Variants in SPIDR observed in about 807,000 individuals in gnomAD.
SPIDR encodes scaffold protein involved in DNA repair.
A neutral mutation model predicts 104.6 loss-of-function variants in SPIDR; 93 were observed. The observed-to-expected ratio is 0.89, with a 90% CI of 0.75 to 1.06. The LOEUF is 1.06. Among genes scored for constraint, SPIDR ranks in the 50% least tolerant of loss-of-function variants. The probability of loss-of-function intolerance (pLI) is 0.00; values close to 1 mark genes in which losing one functional copy is unlikely to be tolerated. For missense variants in SPIDR, 1,154 were observed against 1,111.2 expected (o/e 1.04, Z -0.55); for synonymous variants, 431 against 416.9 (o/e 1.03, Z -0.41).
intron 8 of SPIDR, among the ~76,000 whole-genome samples, chr8:47,516,371 CT>C (rs142835141): frequency 3.0e-4 from 45 of 152,278 alleles, no homozygotes; most frequent in African/African-American, 1.1e-3. Flanking sequence ...CAACACCGCT[CT>C]TCATTTCCAG....
intron 5 of SPIDR, among the ~76,000 whole-genome samples, chr8:47,339,714 C>G (rs2050380107): frequency 6.8e-6 from 1 of 147,826 alleles, no homozygotes; most frequent in Admixed American, 6.8e-5. Flanking sequence ...GAGTCTCGCA[C>G]TGTCGCCTGG....
intron 7 of SPIDR, among the ~76,000 whole-genome samples, chr8:47,438,551 C>T (rs185444624): frequency 6.6e-6 from 1 of 152,266 alleles, no homozygotes; most frequent in East Asian, 1.9e-4. Flanking sequence ...CCTGTTGTGG[C>T]GAAGCATCTG....
chr8:47,502,759 C>G (rs573964140), intron 8 of SPIDR, among the ~76,000 whole-genome samples: 2 of 152,170 alleles, frequency 1.3e-5, no homozygotes, highest in East Asian at 1.9e-4. Flanking sequence ...TTCCTGCTTT[C>G]TCTTATGGGC....
rs188994311 is a variant in SPIDR at position 47,576,364 on chromosome 8, A to G, written c.1098-19447A>G. ...CGGGGTTTCCCCATGTTGGCCAGGCATGTCTCGAACTCCTGACCTCAGGTG... is the reference window on the plus strand; with the variant it reads ...CGGGGTTTCCCCATGTTGGCCAGGCGTGTCTCGAACTCCTGACCTCAGGTG... On this transcript the variant is annotated intron_variant, in intron 8 of 19. Transcript: ENST00000297423. Among the ~76,000 whole-genome samples the G allele has an allele frequency of 2.8e-3, 421 of 152,260 alleles. 1 individual carries two copies. Among genetic ancestry groups the G allele is most frequent in the African/African-American group, 9.9e-3 (411 of 41,558 alleles).
At chr8:47,273,585 T>G (rs1186292831) in intron 1 of SPIDR, among the ~76,000 whole-genome samples, 1 of 151,878 alleles carries the variant, frequency 6.6e-6, no homozygotes, top group African/African-American at 2.4e-5. Context: ...AGTTGTTTTT[T>G]TTTTTTAATT....
At position 47,600,499 on chromosome 8, in the gene SPIDR, G is replaced by A. The variant is rs570919919; in HGVS notation, c.1544+1303G>A. On this transcript the variant is annotated intron_variant, in intron 10 of 19. Transcript: ENST00000297423. ...AAAATACTATGAATTTGAGAAAGTC[G>A]TCTTGAGGTCTAGAGTTGGAGAATG... Among the ~76,000 whole-genome samples the A allele has an allele frequency of 4.6e-5, 7 of 152,288 alleles. No homozygotes were observed. The South Asian group carries it at 8.3e-4, about 18-fold the overall frequency.
chr8:47,274,555 A>G (rs1033926081), intron 1 of SPIDR, among the ~76,000 whole-genome samples: 7 of 151,640 alleles, frequency 4.6e-5, no homozygotes, highest in Admixed American at 6.6e-5. Flanking sequence ...AGAAGTCTAG[A>G]TTGGAATTCA....
At chr8:47,308,059 CTGTT>C (rs1399948072) in intron 5 of SPIDR, among the ~76,000 whole-genome samples, 1 of 151,764 alleles carries the variant, frequency 6.6e-6, no homozygotes, top group African/African-American at 2.4e-5. Context: ...CCAGCATTTG[CTGTT>C]TGTTTTGTTT....
chr8:47,512,660 G>A lies in SPIDR; in HGVS notation c.1097+72118G>A, dbSNP rs1223714536. On this transcript the variant is annotated intron_variant, in intron 8 of 19. Coordinates refer to ENST00000297423, the MANE Select transcript of SPIDR (RefSeq NM_001080394.4). ...TCACGGCTGCTCCTGGGAATGTTTT[G>A]CATTCCTCTTCCTGGCAGTGGTCAG... is the stretch of plus-strand genomic sequence containing the variant. 3.3e-5 allele frequency among the ~76,000 whole-genome samples: 5 copies of A among 152,146 alleles called. No homozygotes were observed. The East Asian group carries it at 5.8e-4, about 18-fold the overall frequency.
chr8:47,488,272 G>C (rs186831862), intron 8 of SPIDR, among the ~76,000 whole-genome samples: 3 of 152,106 alleles, frequency 2.0e-5, no homozygotes, highest in South Asian at 2.1e-4. Flanking sequence ...TAAATTCCTG[G>C]ACACATACAC....
chr8:47,545,428 A>G (rs73565299), intron 8 of SPIDR, among the ~76,000 whole-genome samples: 2,752 of 151,874 alleles, frequency 0.018, 83 homozygotes, highest in African/African-American at 0.064. Context: ...TTTGGTGTCC[A>G]TGTATTCTAG....
chr8:47,709,036 A>C (rs1300969811), intron 14 of SPIDR, among the ~76,000 whole-genome samples: 1 of 151,430 alleles, frequency 6.6e-6, no homozygotes, highest in Non-Finnish European at 1.5e-5. Flanking sequence ...GGAGTGACGC[A>C]ATCTTGGCTC....
chr8:47,389,366 A>AT (rs1448607634), intron 5 of SPIDR, among the ~76,000 whole-genome samples: 1 of 151,980 alleles, frequency 6.6e-6, no homozygotes, highest in Non-Finnish European at 1.5e-5. Context: ...GCGCAAAGTA[A>AT]TTTTTTTTGT....
Position 47,538,857 on chromosome 8 carries a change from C to CTTTTTTT in SPIDR, c.1098-56939_1098-56933dup, listed in dbSNP as rs1161571829. Among the ~76,000 whole-genome samples, 26 of 100,862 alleles carry CTTTTTTT rather than the reference C, an allele frequency of 2.6e-4. 1 individual carries two copies. Among genetic ancestry groups the CTTTTTTT allele is most frequent in the South Asian group, 3.4e-4 (1 of 2,968 alleles). 66.2% of individuals were successfully genotyped at this position (100,862 alleles called of 152,430 possible). A position where few individuals can be genotyped will look rare whatever the true frequency, so the allele number is the denominator to read the frequency against. ...GTTTTGGTTTTGCCTTTTTTCTTTT[C>CTTTTTTT]TTTTTTTTTTTTTTTTTTTTTGAGA... On this transcript the variant is annotated intron_variant, in intron 8 of 19. Coordinates refer to ENST00000297423, the MANE Select transcript of SPIDR (RefSeq NM_001080394.4).
chr8:47,515,602 T>C (rs1421643881), intron 8 of SPIDR, among the ~76,000 whole-genome samples: 1 of 152,204 alleles, frequency 6.6e-6, no homozygotes, highest in Non-Finnish European at 1.5e-5. Flanking sequence ...ATAATAGCAC[T>C]TACAGGACTT....
At chr8:47,263,995 T>C (rs745986293) in intron 1 of SPIDR, among the ~76,000 whole-genome samples, 40 of 152,234 alleles carry the variant, frequency 2.6e-4, no homozygotes, top group Non-Finnish European at 4.3e-4. Flanking sequence ...GTACTAGATA[T>C]CTGATGAATT....
At chr8:47,600,733 G>T (rs961959340) in intron 10 of SPIDR, among the ~76,000 whole-genome samples, 6 of 151,970 alleles carry the variant, frequency 3.9e-5, no homozygotes, top group African/African-American at 7.3e-5. Context: ...TGTTTTGCTT[G>T]GCCTTTTTAA....
At chr8:47,329,516 T>C (rs1185345216) in intron 5 of SPIDR, among the ~76,000 whole-genome samples, 1 of 152,128 alleles carries the variant, frequency 6.6e-6, no homozygotes, top group African/African-American at 2.4e-5. Context: ...CTACAATATG[T>C]TTTTGAGTGA....
chr8:47,666,009 T>C (rs906373202), intron 10 of SPIDR, among the ~76,000 whole-genome samples: 3 of 152,214 alleles, frequency 2.0e-5, no homozygotes, highest in African/African-American at 7.2e-5. Context: ...TATTTATTTA[T>C]GCCGTGGTTT....
Sources: allele counts gnomAD v4.1 joint callset (sites outside exome capture counted in the v4.1 genomes callset), GRCh38; gene constraint gnomAD v4.1.1; transcripts MANE v1.5; gene names NCBI Gene and HGNC (gene_info 2026-07-23, HGNC 2026-07-21).